Variants in TNIK observed in about 807,000 individuals in gnomAD.
TNIK encodes the protein TRAF2 and NCK-interacting protein kinase.
TNIK carries 49 observed loss-of-function variants against 191.3 expected under a neutral mutation model. That is an observed-to-expected ratio of 0.26 (90% CI 0.20 to 0.32). The LOEUF (loss-of-function observed/expected upper bound fraction) is 0.32, where lower values mean the gene tolerates loss of function less well. Among genes scored for constraint, TNIK ranks in the 10% least tolerant of loss-of-function variants. The pLI is 1.00. For synonymous variants in TNIK, 594 were observed against 600.9 expected (o/e 0.99, Z 0.17); for missense variants, 1,155 against 1,702.3 (o/e 0.68, Z 5.66).
At chr3:171,419,294 A>G (rs1723459470) in intron 1 of TNIK, among the ~76,000 whole-genome samples, 1 of 152,226 alleles carries the variant, frequency 6.6e-6, no homozygotes, top group South Asian at 2.1e-4. Flanking sequence ...GTAAATGTCC[A>G]TAATGGGAAA....
In TNIK at chr3:171,071,663, G is replaced by C. The variant is rs16855762; in HGVS notation, c.3449-340C>G. Among the ~76,000 whole-genome samples, 227 of 152,180 alleles carry C rather than the reference G, an allele frequency of 1.5e-3. 1 individual carries two copies. The highest frequency in any genetic ancestry group is 5.4e-3 in the African/African-American group (223 of 41,526). ...TAATTTCCTTCATGTTAGCTTGCCT[G>C]GCTTTTACGTTCACCCATATTTAAG... is the stretch of plus-strand genomic sequence containing the variant. On this transcript the variant is annotated intron_variant, in intron 28 of 32. Coordinates refer to ENST00000436636, the MANE Select transcript of TNIK (RefSeq NM_015028.4).
chr3:171,161,609 T>A (rs1733997308), intron 10 of TNIK, among the ~76,000 whole-genome samples: 1 of 152,206 alleles, frequency 6.6e-6, no homozygotes, highest in African/African-American at 2.4e-5. Flanking sequence ...TTTTTATTAA[T>A]TTAATTTCAA....
chr3:171,309,602 G>A (rs1753807871), intron 2 of TNIK, among the ~76,000 whole-genome samples: 1 of 152,034 alleles, frequency 6.6e-6, no homozygotes, highest in Admixed American at 6.6e-5. Context: ...CCCAATTACT[G>A]ATCTTACAAT....
intron 4 of TNIK, among the ~76,000 whole-genome samples, chr3:171,206,439 A>G (rs1002537733): frequency 9.9e-5 from 15 of 151,748 alleles, no homozygotes; most frequent in Non-Finnish European, 2.2e-4. Context: ...AGCCATCTCC[A>G]TGAGAAGAGC....
At chr3:171,304,064 T>C (rs1382501627) in intron 2 of TNIK, among the ~76,000 whole-genome samples, 1 of 151,466 alleles carries the variant, frequency 6.6e-6, no homozygotes, top group East Asian at 1.9e-4. Flanking sequence ...GGGAGGAATA[T>C]GTGAAGGAAC....
rs117065598 is a variant in TNIK at position 171,425,328 on chromosome 3, T to G, written c.57+34679A>C. Among the ~76,000 whole-genome samples, 5 of 152,322 alleles carry G rather than the reference T, an allele frequency of 3.3e-5. No individual in the cohort carries two copies. In the East Asian group the frequency reaches 9.6e-4, roughly 29 times the overall value. On this transcript the variant is annotated intron_variant, in intron 1 of 32. Transcript: ENST00000436636. Reference sequence around the variant, plus strand: ...AGTTCACAGCAACACAAATGCCAACTTTTTAACACCCCTATGGCTAAATAT... The same window carrying G: ...AGTTCACAGCAACACAAATGCCAACGTTTTAACACCCCTATGGCTAAATAT...
At chr3:171,226,776 T>C (rs567689221) in intron 3 of TNIK, among the ~76,000 whole-genome samples, 1 of 152,258 alleles carries the variant, frequency 6.6e-6, no homozygotes, top group East Asian at 1.9e-4. Context: ...AAGAGGAATT[T>C]AGATCAATAA....
In TNIK at chr3:171,125,783, A is replaced by C. The variant is rs1010994934; in HGVS notation, c.2013+129T>G. The C allele has an allele frequency of 2.1e-6, 3 of 1,411,012 alleles. No homozygotes were observed. The Admixed American group carries it at 6.4e-5, about 30-fold the overall frequency. The allele number at this position is 1,411,012 out of a possible 1,614,324, so 87.4% of individuals were successfully genotyped here. On this transcript the variant is annotated intron_variant, in intron 17 of 32. Transcript: ENST00000436636. ...TTAGCCAGGGAATGAAGAGGGACCA[A>C]AACAAACATGAGAAGGGGAAGTGCT...
chr3:171,114,682 T>G (rs1438920792), intron 18 of TNIK, among the ~76,000 whole-genome samples: 1 of 152,214 alleles, frequency 6.6e-6, no homozygotes, highest in African/African-American at 2.4e-5. Context: ...TTGAAACTTT[T>G]GTGGTAAAAG....
chr3:171,285,310 T>A (rs1475570413), intron 2 of TNIK, among the ~76,000 whole-genome samples: 1 of 152,244 alleles, frequency 6.6e-6, no homozygotes, highest in Non-Finnish European at 1.5e-5. Context: ...CCACTTAAAT[T>A]CCTCAGCAAT....
chr3:171,301,507 G>A (rs552265272), intron 2 of TNIK, among the ~76,000 whole-genome samples: 17 of 152,190 alleles, frequency 1.1e-4, no homozygotes, highest in African/African-American at 3.9e-4. Context: ...TAGAGATGGG[G>A]TTTCACCATA....
At chr3:171,175,139 CATACA>C in intron 9 of TNIK, 108 bp downstream of exon 9, 1 of 994,506 alleles carries the variant, frequency 1.0e-6, no homozygotes, top group Non-Finnish European at 1.6e-6. Flanking sequence ...ACCAAGTCAT[CATACA>C]TGTTAGTCTC....
chr3:171,350,412 T>C (rs1448470895), intron 2 of TNIK, among the ~76,000 whole-genome samples: 15 of 151,656 alleles, frequency 9.9e-5, no homozygotes, highest in Admixed American at 9.2e-4. Flanking sequence ...ACACCCAGAA[T>C]GAAAAAGCTC....
intron 2 of TNIK, among the ~76,000 whole-genome samples, chr3:171,238,303 GATCCT>G (rs907128876): frequency 6.7e-6 from 1 of 150,316 alleles, no homozygotes; most frequent in Non-Finnish European, 1.5e-5. Flanking sequence ...GACAGAGTGA[GATCCT>G]ATCTCTAAAA....
chr3:171,388,289 T>G (rs766579189), intron 1 of TNIK, among the ~76,000 whole-genome samples: 9 of 152,218 alleles, frequency 5.9e-5, no homozygotes, highest in Non-Finnish European at 1.2e-4. Flanking sequence ...GAATCTTATT[T>G]TTATAAAACA....
intron 2 of TNIK, among the ~76,000 whole-genome samples, chr3:171,342,836 G>A (rs1237944705): frequency 1.3e-5 from 2 of 152,286 alleles, no homozygotes; most frequent in South Asian, 2.1e-4. Context: ...TGTCATGGGG[G>A]ACCCAGTGGG....
rs532673713 is a variant in TNIK at position 171,109,825 on chromosome 3, GA to G, written c.2284+888del. 1.3e-3 allele frequency among the ~76,000 whole-genome samples: 204 copies of G among 152,160 alleles called. 2 individuals are homozygous for G. The highest frequency in any genetic ancestry group is 0.012 in the Admixed American group (177 of 15,280). ...TTTTTCATAGGCCTCCCCATTACTG[GA>G]AACTAAACAATGATGAATAATTTGA... On this transcript the variant is annotated intron_variant, in intron 19 of 32. Coordinates refer to ENST00000436636, the MANE Select transcript of TNIK (RefSeq NM_015028.4).
At chr3:171,331,801 G>A (rs1756445496) in intron 2 of TNIK, among the ~76,000 whole-genome samples, 3 of 152,076 alleles carry the variant, frequency 2.0e-5, no homozygotes, top group Non-Finnish European at 4.4e-5. Flanking sequence ...GGGCCTTTTT[G>A]ATAATGTAAT....
intron 1 of TNIK, among the ~76,000 whole-genome samples, chr3:171,378,123 A>G (rs79159875): frequency 0.021 from 3,213 of 152,336 alleles, 131 homozygotes; most frequent in African/African-American, 0.074. Context: ...CTCTTATCAG[A>G]GCCAGAAGCC....
Sources: allele counts gnomAD v4.1 joint callset (sites outside exome capture counted in the v4.1 genomes callset), GRCh38; gene constraint gnomAD v4.1.1; transcripts MANE v1.5; gene names NCBI Gene and HGNC (gene_info 2026-07-23, HGNC 2026-07-21).